The following UNC5D variants were observed in gnomAD, a reference collection of about 807,000 sequenced individuals.
UNC5D encodes unc-5 netrin receptor D, also known as netrin receptor UNC5D.
A neutral mutation model predicts 105.4 loss-of-function variants in UNC5D; 39 were observed. The observed-to-expected ratio is 0.37, with a 90% confidence interval of 0.29 to 0.48. The LOEUF (loss-of-function observed/expected upper bound fraction) is 0.48. Ranked by LOEUF, UNC5D falls within the 20% of genes least tolerant of loss-of-function variation. UNC5D has a pLI of 0.98. For missense variants in UNC5D, 991 were observed against 1,202.4 expected (o/e 0.82, Z 2.60); for synonymous variants, 452 against 450.4 (o/e 1.00, Z -0.04).
intron 1 of UNC5D, among the ~76,000 whole-genome samples, chr8:35,295,760 G>T (rs527714114): frequency 1.3e-5 from 2 of 152,126 alleles, no homozygotes; most frequent in Non-Finnish European, 2.9e-5. Context: ...TCATCACCAT[G>T]ATGTACATTA....
intron 4 of UNC5D, among the ~76,000 whole-genome samples, chr8:35,672,728 C>G (rs1824905918): frequency 6.6e-6 from 1 of 152,168 alleles, no homozygotes; most frequent in Non-Finnish European, 1.5e-5. Flanking sequence ...TCTGCAAACT[C>G]TTTACATTAA....
At chr8:35,268,786 T>C (rs1337094222) in intron 1 of UNC5D, among the ~76,000 whole-genome samples, 1 of 152,160 alleles carries the variant, frequency 6.6e-6, no homozygotes, top group Non-Finnish European at 1.5e-5. Context: ...TGTTTATCTC[T>C]GCCTTAAGGA....
At chr8:35,634,852 C>T (rs916876568) in intron 4 of UNC5D, among the ~76,000 whole-genome samples, 2 of 151,664 alleles carry the variant, frequency 1.3e-5, no homozygotes, top group Non-Finnish European at 2.9e-5. Context: ...CGGCAACCTC[C>T]GACTACCAGG....
At chr8:35,629,586 C>G (rs556051093) in intron 4 of UNC5D, among the ~76,000 whole-genome samples, 1 of 151,998 alleles carries the variant, frequency 6.6e-6, no homozygotes. Flanking sequence ...ATAATCGATT[C>G]GGTGCAGTGT....
chr8:35,305,780 G>T (rs1808360045), intron 1 of UNC5D, among the ~76,000 whole-genome samples: 4 of 127,548 alleles, frequency 3.1e-5, no homozygotes, highest in Admixed American at 8.6e-5. Flanking sequence ...ATCACTCTCT[G>T]CCTCTTTCTT....
At chr8:35,728,071 T>TAAAAAAAAAAAA (rs71215643) in intron 10 of UNC5D, among the ~76,000 whole-genome samples, 1 of 41,048 alleles carries the variant, frequency 2.4e-5, no homozygotes, top group African/African-American at 1.1e-4. Context: ...TTGCTGTCTC[T>TAAAAAAAAAAAA]AAAAAAAAAA....
At chr8:35,335,756 A>ATTTTTTTTTTTTTTTTTTTTTTTTTTTTT (rs35774459) in intron 1 of UNC5D, among the ~76,000 whole-genome samples, 2 of 90,484 alleles carry the variant, frequency 2.2e-5, no homozygotes, top group Non-Finnish European at 4.0e-5. Context: ...AGAGATTGCA[A>ATTTTTTTTTTTTTTTTTTTTTTTTTTTTT]TTTTTTTTTT....
At chr8:35,532,172 C>A (rs1814436983) in intron 1 of UNC5D, among the ~76,000 whole-genome samples, 3 of 148,050 alleles carry the variant, frequency 2.0e-5, no homozygotes, top group Non-Finnish European at 4.5e-5. Context: ...CATGATTTTG[C>A]AGCGGCTGGT....
intron 1 of UNC5D, among the ~76,000 whole-genome samples, chr8:35,354,235 C>T (rs557545276): frequency 6.6e-6 from 1 of 152,042 alleles, no homozygotes; most frequent in South Asian, 2.1e-4. Flanking sequence ...CAGGTAATTT[C>T]TCTCTATGCC....
intron 1 of UNC5D, among the ~76,000 whole-genome samples, chr8:35,351,757 G>T (rs192803247): frequency 2.6e-5 from 4 of 152,246 alleles, no homozygotes; most frequent in African/African-American, 9.6e-5. Flanking sequence ...AATTGTATAT[G>T]ATAAGGGTTT....
chr8:35,313,431 A>G (rs1332074417), intron 1 of UNC5D, among the ~76,000 whole-genome samples: 4 of 152,206 alleles, frequency 2.6e-5, no homozygotes, highest in African/African-American at 9.6e-5. Flanking sequence ...ACCAAGTCCC[A>G]GGTGAGAGAA....
intron 1 of UNC5D, among the ~76,000 whole-genome samples, chr8:35,306,096 GTTCTTCACC>G (rs1808394786): frequency 6.6e-6 from 1 of 151,878 alleles, no homozygotes; most frequent in African/African-American, 2.4e-5. Context: ...TAAGTGTTTT[GTTCTTCACC>G]TGAAATGTGA....
At chr8:35,538,186 A>G (rs886822038) in intron 1 of UNC5D, among the ~76,000 whole-genome samples, 5 of 151,822 alleles carry the variant, frequency 3.3e-5, no homozygotes, top group African/African-American at 1.2e-4. Flanking sequence ...AGAATCGGCT[A>G]TAAGCAAAAG....
intron 9 of UNC5D, among the ~76,000 whole-genome samples, chr8:35,722,816 G>C (rs1364870166): frequency 6.6e-6 from 1 of 151,838 alleles, no homozygotes; most frequent in Non-Finnish European, 1.5e-5. Context: ...ATGAAGTGGA[G>C]TAATTTTGTT....
intron 1 of UNC5D, among the ~76,000 whole-genome samples, chr8:35,503,305 G>T (rs1812088340): frequency 6.6e-6 from 1 of 152,146 alleles, no homozygotes; most frequent in Non-Finnish European, 1.5e-5. Flanking sequence ...TGGATTCACA[G>T]TTCCACGTAG....
chr8:35,447,735 T>C (rs1352465977), intron 1 of UNC5D, among the ~76,000 whole-genome samples: 2 of 152,010 alleles, frequency 1.3e-5, no homozygotes, highest in East Asian at 1.9e-4. Flanking sequence ...GGTACTGACA[T>C]AGCAAGGAAA....
intron 7 of UNC5D, among the ~76,000 whole-genome samples, chr8:35,696,872 A>G (rs1009221315): frequency 1.3e-5 from 2 of 152,150 alleles, no homozygotes; most frequent in Admixed American, 6.5e-5. Flanking sequence ...TTAGTACAGG[A>G]CAGTGTTAGT....
chr8:35,500,407 C>T (rs999339382), intron 1 of UNC5D, among the ~76,000 whole-genome samples: 4 of 152,058 alleles, frequency 2.6e-5, no homozygotes, highest in African/African-American at 9.7e-5. Context: ...TGTTTTTAAC[C>T]CATTAACTTT....
At chr8:35,512,539 G>GTATGTATATA (rs1812814677) in intron 1 of UNC5D, among the ~76,000 whole-genome samples, 1 of 40,272 alleles carries the variant, frequency 2.5e-5, no homozygotes, top group South Asian at 9.8e-4. Context: ...AGATATGTAT[G>GTATGTATATA]TATATATATA....
Sources: gnomAD v4.1 joint callset for allele counts (sites outside exome capture counted in the v4.1 genomes callset) on GRCh38, gnomAD v4.1.1 for gene constraint, MANE v1.5 for transcripts, NCBI Gene and HGNC (gene_info 2026-07-23, HGNC 2026-07-21) for gene names.